Variants in CACFD1 observed in about 807,000 individuals in gnomAD.
CACFD1 encodes calcium channel flower homolog.
A neutral mutation model predicts 21.3 loss-of-function variants in CACFD1; 26 were observed. That is an observed-to-expected ratio of 1.22 (90% CI 0.89 to 1.69). CACFD1 has a LOEUF of 1.69. Ranked by LOEUF, CACFD1 falls within the 40% of genes most tolerant of loss-of-function variation. The pLI, the probability that CACFD1 is intolerant of heterozygous loss-of-function variation, is 0.00. For synonymous variants in CACFD1, 121 were observed against 106.6 expected (o/e 1.13, Z -0.83); for missense variants, 265 against 236.2 (o/e 1.12, Z -0.80).
rs955213460 is a variant in CACFD1 at position 133,468,531 on chromosome 9, C to G, written c.429-32C>G. ...GAGGGCTGTGGGCATGGGGCTGGTG[C>G]TCCACGTGACGCTGCCTCTCTCTCT... On this transcript the variant is annotated intron_variant, in intron 4 of 4. Transcript: ENST00000316948. 5 of 1,556,722 alleles carry G rather than the reference C, an allele frequency of 3.2e-6. No individual in the cohort carries two copies. The Admixed American group carries it at 7.8e-5, about 24-fold the overall frequency.
At chr9:133,467,662 A>G (rs1843491352) in intron 3 of CACFD1, among the ~76,000 whole-genome samples, 1 of 152,126 alleles carries the variant, frequency 6.6e-6, no homozygotes, top group Non-Finnish European at 1.5e-5. Flanking sequence ...CCATCTCGTT[A>G]CTGTTTAGCT....
rs1327412443 is a variant in CACFD1 at position 133,470,531 on chromosome 9, G to GT, written c.*1879dup. 6.6e-6 allele frequency: 1 copy of GT among 152,528 alleles called. No individual in the cohort carries two copies. The highest frequency in any genetic ancestry group is 1.5e-5 in the Non-Finnish European group (1 of 68,298). 9.4% of individuals were successfully genotyped at this position (152,528 alleles called of 1,614,324 possible). A position where few individuals can be genotyped will look rare whatever the true frequency, so the allele number is the denominator to read the frequency against. On this transcript the variant is annotated 3_prime_UTR_variant, in exon 5 of 5. Coordinates refer to ENST00000316948, the MANE Select transcript of CACFD1 (RefSeq NM_017586.5). Reference sequence around the variant, plus strand: ...CCCTGGGCCACAGGCGAGAGTGGGCGTGTCACCTGTCCCAGGTTCCCAGCA... The same window carrying GT: ...CCCTGGGCCACAGGCGAGAGTGGGCGTTGTCACCTGTCCCAGGTTCCCAGCA...
At position 133,468,888 on chromosome 9, in the gene CACFD1, A is replaced by C; in HGVS notation, c.*235A>C. On this transcript the variant is annotated 3_prime_UTR_variant, in exon 5 of 5. Coordinates refer to ENST00000316948, the MANE Select transcript of CACFD1 (RefSeq NM_017586.5). Reference sequence around the variant, plus strand: ...AGCCTGCAGCAGCTGTGTGGACACTACCCAGCCCTACTCCTCTGCTGGGTG... The same window carrying C: ...AGCCTGCAGCAGCTGTGTGGACACTCCCCAGCCCTACTCCTCTGCTGGGTG... The C allele has an allele frequency of 1.6e-6, 1 of 611,206 alleles. No homozygotes were observed. The highest frequency in any genetic ancestry group is 2.7e-6 in the Non-Finnish European group (1 of 368,180). The allele number at this position is 611,206 out of a possible 1,614,324, so 37.9% of individuals were successfully genotyped here.
Position 133,468,681 on chromosome 9 carries a change from C to T in CACFD1, c.*28C>T. The T allele has an allele frequency of 1.9e-6, 3 of 1,545,494 alleles. No homozygotes were observed. The highest frequency in any genetic ancestry group is 1.7e-6 in the Non-Finnish European group (2 of 1,147,216). ...GGCTGGGCGCCCCTCCCTCCCTGTC[C>T]CCTCTTCTGGCTCTGTGTGGGTCCA... On this transcript the variant is annotated 3_prime_UTR_variant, in exon 5 of 5. Coordinates refer to ENST00000316948, the MANE Select transcript of CACFD1 (RefSeq NM_017586.5).
chr9:133,463,433 G>A lies in CACFD1; in HGVS notation c.122-50G>A, dbSNP rs374460598. ...CATCTCCCAAGGCCGCCTTCCCAGCGGGCTCCGCCTGCCTCCCTGCTGACT... is the reference window on the plus strand; with the variant it reads ...CATCTCCCAAGGCCGCCTTCCCAGCAGGCTCCGCCTGCCTCCCTGCTGACT... On this transcript the variant is annotated intron_variant, in intron 1 of 4. Transcript: ENST00000316948. The A allele has an allele frequency of 1.2e-5, 20 of 1,612,638 alleles. No homozygotes were observed. In the East Asian group the frequency reaches 1.6e-4, roughly 13 times the overall value.
At position 133,468,894 on chromosome 9, in the gene CACFD1, C is replaced by T. The variant is rs1843559952; in HGVS notation, c.*241C>T. 2 of 589,762 alleles carry T rather than the reference C, an allele frequency of 3.4e-6. No individual in the cohort carries two copies. Among genetic ancestry groups the T allele is most frequent in the South Asian group, 2.6e-5 (1 of 38,064 alleles). 36.5% of individuals were successfully genotyped at this position (589,762 alleles called of 1,614,324 possible). A position where few individuals can be genotyped will look rare whatever the true frequency, so the allele number is the denominator to read the frequency against. ...CAGCAGCTGTGTGGACACTACCCAG[C>T]CCTACTCCTCTGCTGGGTGGGTCTG... On this transcript the variant is annotated 3_prime_UTR_variant, in exon 5 of 5. Transcript: ENST00000316948.
rs377010457 is a variant in CACFD1, at chr9:133,465,631, C to T, written c.320+184C>T. ...GCCAAAACGTGCCCCAGTGGTTCTGCGCCCAGGAACTCAGCTGTCGCTGTG... is the reference window on the plus strand; with the variant it reads ...GCCAAAACGTGCCCCAGTGGTTCTGTGCCCAGGAACTCAGCTGTCGCTGTG... On this transcript the variant is annotated intron_variant, in intron 3 of 4. Coordinates refer to ENST00000316948, the MANE Select transcript of CACFD1 (RefSeq NM_017586.5). The surrounding 1 kb of genome is among the most constrained non-coding windows in gnomAD (Gnocchi z 5.0). The T allele has an allele frequency of 4.7e-5, 29 of 618,560 alleles. No homozygotes were observed. The highest frequency in any genetic ancestry group is 6.2e-5 in the Admixed American group (2 of 32,512). The allele number at this position is 618,560 out of a possible 1,614,324, so 38.3% of individuals were successfully genotyped here. A position where few individuals can be genotyped will look rare whatever the true frequency, so the allele number is the denominator to read the frequency against.
chr9:133,467,614 T>A (rs3094371), intron 3 of CACFD1, among the ~76,000 whole-genome samples: 14,056 of 152,244 alleles, frequency 0.092, 699 homozygotes, highest in Middle Eastern at 0.16. Context: ...TGTCACAGGC[T>A]CTTTCTGGCC....
chr9:133,463,486 G>T lies in CACFD1; in HGVS notation c.125G>T (p.Cys42Phe). The change falls in exon 2 of 5, where the codon TGC (cysteine) becomes TTC (phenylalanine). Residue 42 changes from cysteine to phenylalanine, a missense_variant. Cys to Phe is a radical substitution (Grantham distance 205, BLOSUM62 -2). Coordinates refer to ENST00000316948, the MANE Select transcript of CACFD1 (RefSeq NM_017586.5). ...TGCCCGTGTCTCTTGTTTCAAGCTT[G>T]CGCGATCTCTGGCCTCTTCAACTGC... ...RLSGVLGAVS[C>F]AISGLFNCIT... 6.2e-7 allele frequency: 1 copy of T among 1,614,078 alleles called. No individual in the cohort carries two copies. The highest frequency in any genetic ancestry group is 2.2e-5 in the East Asian group (1 of 44,886).
intron 1 of CACFD1, chr9:133,462,076 G>A (rs587636461): frequency 2.3e-6 from 3 of 1,301,016 alleles, no homozygotes; most frequent in South Asian, 2.5e-5. Context: ...GCCCTTTATT[G>A]CTAAAGGATT....
In CACFD1 at chr9:133,460,048, T is replaced by C. The variant is rs1554797862; in HGVS notation, c.-19T>C. The C allele has an allele frequency of 1.9e-6, 3 of 1,547,824 alleles. No individual in the cohort carries two copies. In the South Asian group the frequency reaches 3.5e-5, roughly 18 times the overall value. On this transcript the variant is annotated 5_prime_UTR_variant, in exon 1 of 5. Transcript: ENST00000316948. ...CGAGCCCTTTGTGAGGGCTGTGAGC[T>C]GCGCCTGACGGTGGCACCATGAGCA...
rs977716551 is a variant in CACFD1, at chr9:133,460,030, T to C, written c.-37T>C. ...TCGGACGCGGCCGGCTACCGAGCCC[T>C]TTGTGAGGGCTGTGAGCTGCGCCTG... On this transcript the variant is annotated 5_prime_UTR_variant, in exon 1 of 5. Coordinates refer to ENST00000316948, the MANE Select transcript of CACFD1 (RefSeq NM_017586.5). The C allele has an allele frequency of 3.9e-6, 6 of 1,519,252 alleles. No individual in the cohort carries two copies. Among genetic ancestry groups the C allele is most frequent in the African/African-American group, 1.4e-5 (1 of 69,982 alleles). 94.1% of individuals were successfully genotyped at this position (1,519,252 alleles called of 1,614,324 possible).
rs587669280 is a variant in CACFD1 at position 133,468,761 on chromosome 9, G to A, written c.*108G>A. 29 of 1,441,170 alleles carry A rather than the reference G, an allele frequency of 2.0e-5. No individual in the cohort carries two copies. The highest frequency in any genetic ancestry group is 7.5e-5 in the East Asian group (3 of 39,924). 89.3% of individuals were successfully genotyped at this position (1,441,170 alleles called of 1,614,324 possible). A position where few individuals can be genotyped will look rare whatever the true frequency, so the allele number is the denominator to read the frequency against. ...ACAGCCTGGAGAGGGGCCTTTGCAC[G>A]TGTCCCTACACCTGGAGTCCTCTGC... On this transcript the variant is annotated 3_prime_UTR_variant, in exon 5 of 5. Coordinates refer to ENST00000316948, the MANE Select transcript of CACFD1 (RefSeq NM_017586.5).
chr9:133,460,386 C>A (rs983682113), intron 1 of CACFD1, among the ~76,000 whole-genome samples, 199 bp downstream of exon 1: 1 of 130,914 alleles, frequency 7.6e-6, no homozygotes, highest in African/African-American at 2.5e-5. Flanking sequence ...CCGCTCGGGC[C>A]TGGGCGCCTT....
rs113031528 is a variant in CACFD1 at position 133,463,541 on chromosome 9, C to T, written c.180C>T (p.Ala60=). The stretch of plus-strand genomic sequence containing the variant: ...CCATCCACCCTCTGAACATTGCGGC[C>T]GGCGTGTGGATGATGTGAGTAATGC... ...CITIHPLNIA[A]GVWMIMNAFI... Residue 60 remains alanine, a synonymous_variant, in exon 2 of 5, where the codon GCC becomes GCT. Coordinates refer to ENST00000316948, the MANE Select transcript of CACFD1 (RefSeq NM_017586.5). 9.1e-5 allele frequency: 147 copies of T among 1,614,048 alleles called. 1 individual carries two copies. In the East Asian group the frequency reaches 1.3e-3, roughly 15 times the overall value.
chr9:133,467,188 C>T (rs1554799720), intron 3 of CACFD1, among the ~76,000 whole-genome samples: 4 of 152,224 alleles, frequency 2.6e-5, no homozygotes, highest in African/African-American at 9.6e-5. Context: ...GGACAGAGCG[C>T]TGGCCTCCAG....
At chr9:133,462,671 G>C (rs1254942421) in intron 1 of CACFD1, among the ~76,000 whole-genome samples, 1 of 152,230 alleles carries the variant, frequency 6.6e-6, no homozygotes, top group Non-Finnish European at 1.5e-5. Flanking sequence ...GGTGAAGCCA[G>C]GCTGCAGGCT....
Position 133,468,926 on chromosome 9 carries a change from TCA to T in CACFD1, c.*277_*278del. The T allele has an allele frequency of 2.1e-6, 1 of 478,614 alleles. No homozygotes were observed. Among genetic ancestry groups the T allele is most frequent in the Non-Finnish European group, 3.6e-6 (1 of 275,018 alleles). 29.6% of individuals were successfully genotyped at this position (478,614 alleles called of 1,614,324 possible). A position where few individuals can be genotyped will look rare whatever the true frequency, so the allele number is the denominator to read the frequency against. ...CCTCTGCTGGGTGGGTCTGCAGATCTCACACCACAGACAGGGCTGCCTGTGAC... is the reference window on the plus strand; with the variant it reads ...CCTCTGCTGGGTGGGTCTGCAGATCTCACCACAGACAGGGCTGCCTGTGAC... On this transcript the variant is annotated 3_prime_UTR_variant, in exon 5 of 5. Transcript: ENST00000316948.
chr9:133,460,112 C>G lies in CACFD1; in HGVS notation c.46C>G (p.Pro16Ala). ...GAPGASASSA[P>A]PAQEEGMTWW... ...GCCCGGGGCGTCCGCCAGCTCTGCG[C>G]CGCCCGCGCAGGAAGAGGGCATGAC... is the stretch of plus-strand genomic sequence containing the variant. Residue 16 changes from proline (P) to alanine (A), a missense_variant, in exon 1 of 5, where the codon CCG becomes GCG. Pro to Ala is a conservative substitution (Grantham distance 27, BLOSUM62 -1). Transcript: ENST00000316948. 1 of 1,563,634 alleles carries G rather than the reference C, an allele frequency of 6.4e-7. No homozygotes were observed. The highest frequency in any genetic ancestry group is 8.7e-7 in the Non-Finnish European group (1 of 1,153,592).
Sources: allele counts gnomAD v4.1 joint callset (sites outside exome capture counted in the v4.1 genomes callset), GRCh38; gene constraint gnomAD v4.1.1; non-coding constraint Gnocchi (gnomAD v3.1); transcripts MANE v1.5; gene names NCBI Gene and HGNC (gene_info 2026-07-23, HGNC 2026-07-21).